EFEMP1: variants seen among roughly 807,000 people sequenced by gnomAD.
EFEMP1 encodes the protein EGF-like fibulin extracellular matrix protein 1, also known as EGF-containing fibulin-like extracellular matrix protein 1.
EFEMP1 carries 18 observed loss-of-function variants against 65.7 expected under a neutral mutation model. The ratio of observed to expected loss-of-function variants is 0.27; its 90% confidence interval spans 0.19 to 0.41. EFEMP1 has a LOEUF of 0.41. EFEMP1 is among the 10% of genes least tolerant of loss of function. The probability of loss-of-function intolerance (pLI) is 1.00; values close to 1 mark genes in which losing one functional copy is unlikely to be tolerated. For missense variants in EFEMP1, 469 were observed against 624.8 expected (o/e 0.75, Z 2.66); for synonymous variants, 237 against 219.7 (o/e 1.08, Z -0.70).
rs1334419124 is a variant in EFEMP1 at position 55,873,706 on chromosome 2, A to G, written c.1000+1240T>C. On this transcript the variant is annotated intron_variant, in intron 9 of 11. Transcript: ENST00000355426. The surrounding 1 kb of genome is among the most constrained non-coding windows in gnomAD (Gnocchi z 4.6). ...GGGTTATAAAGATGTTCATTGTGCAATGAACTACATTCTGATTATGCTCAT... is the reference window on the plus strand; with the variant it reads ...GGGTTATAAAGATGTTCATTGTGCAGTGAACTACATTCTGATTATGCTCAT... 6.6e-6 allele frequency among the ~76,000 whole-genome samples: 1 copy of G among 152,060 alleles called. No individual in the cohort carries two copies. The highest frequency in any genetic ancestry group is 1.5e-5 in the Non-Finnish European group (1 of 67,948).
At position 55,877,749 on chromosome 2, in the gene EFEMP1, C is replaced by T. The variant is rs142542256; in HGVS notation, c.757G>A (p.Val253Ile). The change falls in exon 7 of 12, where the codon GTA becomes ATA. Residue 253 changes from valine (V) to isoleucine (I), a missense_variant. Coordinates refer to ENST00000355426, the MANE Select transcript of EFEMP1 (RefSeq NM_001039348.3). This position sits in a 1 kb window ranked among gnomAD's most constrained non-coding sequence, Gnocchi z 4.5. ...AGCAAGTTCTCAAAAGGCTTACCTA[C>T]GCAGGTATAGTTGTTTGCTGCCAAT... ...FQLAANNYTC[V>I]DINECDASNQ... is the part of the protein sequence containing the mutation. 2.2e-5 allele frequency: 35 copies of T among 1,612,962 alleles called. No individual in the cohort carries two copies. Among genetic ancestry groups the T allele is most frequent in the South Asian group, 1.2e-4 (11 of 91,074 alleles).
At chr2:55,915,077 T>A (rs899456522) in intron 5 of EFEMP1, among the ~76,000 whole-genome samples, 6 of 152,222 alleles carry the variant, frequency 3.9e-5, no homozygotes, top group Non-Finnish European at 7.3e-5. Context: ...TGTTATCATA[T>A]GAAATAACCC....
At chr2:55,869,391 AT>A (rs1208963688) in intron 11 of EFEMP1, among the ~76,000 whole-genome samples, 6 of 152,198 alleles carry the variant, frequency 3.9e-5, no homozygotes, top group African/African-American at 1.4e-4. Context: ...TCTTACAAAT[AT>A]CAAGAATATG....
chr2:55,922,833 G>T lies in EFEMP1; in HGVS notation c.-8+66C>A. On this transcript the variant is annotated intron_variant, in intron 2 of 11. Transcript: ENST00000355426. The surrounding 1 kb of genome is among the most constrained non-coding windows in gnomAD (Gnocchi z 5.5). ...TTCCTGCCCCCCAGTCCCACACCCC[G>T]GGGGATGGAGGTGGGGCTGCAAAAC... 8.9e-7 allele frequency: 1 copy of T among 1,124,608 alleles called. No individual in the cohort carries two copies. The highest frequency in any genetic ancestry group is 1.1e-6 in the Non-Finnish European group (1 of 893,356). The allele number at this position is 1,124,608 out of a possible 1,614,324, so 69.7% of individuals were successfully genotyped here. A position where few individuals can be genotyped will look rare whatever the true frequency, so the allele number is the denominator to read the frequency against.
rs58841515 is a variant in EFEMP1, at chr2:55,873,066, CCACACACA to C, written c.1000+1872_1000+1879del. Among the ~76,000 whole-genome samples the C allele has an allele frequency of 3.1e-4, 45 of 145,402 alleles. No homozygotes were observed. The highest frequency in any genetic ancestry group is 1.4e-3 in the South Asian group (6 of 4,398). The stretch of plus-strand genomic sequence containing the variant: ...TTCTTTTGTCTCTCTGTCTCTCTCT[CCACACACA>C]CACACACACACACACACACACACAC... On this transcript the variant is annotated intron_variant, in intron 9 of 11. Transcript: ENST00000355426. This position sits in a 1 kb window ranked among gnomAD's most constrained non-coding sequence, Gnocchi z 4.6.
chr2:55,881,624 C>T lies in EFEMP1; in HGVS notation c.628G>A (p.Glu210Lys), dbSNP rs773196469. Residue 210 changes from glutamate to lysine, a missense_variant, in exon 6 of 12, where the codon GAG becomes AAG. This residue lies in a region of EFEMP1 where 399 missense variants were observed against 528.2 expected (regional missense o/e 0.76). Coordinates refer to ENST00000355426, the MANE Select transcript of EFEMP1 (RefSeq NM_001039348.3). ...QCPPGYQKRG[E>K]QCVDIDECTI... ...CTGTGGTACTTACCTACGCACTGCT[C>T]CCCTCGCTTCTGATATCCAGGAGGG... 3 of 1,613,620 alleles carry T rather than the reference C, an allele frequency of 1.9e-6. No homozygotes were observed. The highest frequency in any genetic ancestry group is 1.3e-5 in the African/African-American group (1 of 74,900).
chr2:55,881,873 T>A, intron 5 of EFEMP1, 139 bp from the exon 6 acceptor site: 1 of 1,156,056 alleles, frequency 8.7e-7, no homozygotes. Context: ...TGTTTAAAAT[T>A]ATAAATTATT....
At position 55,877,608 on chromosome 2, in the gene EFEMP1, T is replaced by G. The variant is rs1001033071; in HGVS notation, c.760+138A>C. 7 of 1,364,262 alleles carry G rather than the reference T, an allele frequency of 5.1e-6. No homozygotes were observed. Among genetic ancestry groups the G allele is most frequent in the Middle Eastern group, 1.8e-4 (1 of 5,520 alleles). 84.5% of individuals were successfully genotyped at this position (1,364,262 alleles called of 1,614,324 possible). Reference sequence around the variant, plus strand: ...GTTTTAAGACACAGATTGGTTATTATCTTTTAAGCTTTATGATTGCTGAAG... The same window carrying G: ...GTTTTAAGACACAGATTGGTTATTAGCTTTTAAGCTTTATGATTGCTGAAG... On this transcript the variant is annotated intron_variant, in intron 7 of 11. Transcript: ENST00000355426. The surrounding 1 kb of genome is among the most constrained non-coding windows in gnomAD (Gnocchi z 4.5).
At chr2:55,887,229 T>C (rs1669455038) in intron 5 of EFEMP1, among the ~76,000 whole-genome samples, 1 of 152,142 alleles carries the variant, frequency 6.6e-6, no homozygotes, top group Non-Finnish European at 1.5e-5. Context: ...AAACACCAGA[T>C]TTCCATTTTG....
In EFEMP1 at chr2:55,866,990, A is replaced by G; in HGVS notation, c.*83T>C. 6.5e-7 allele frequency: 1 copy of G among 1,531,220 alleles called. No individual in the cohort carries two copies. The highest frequency in any genetic ancestry group is 1.7e-5 in the Admixed American group (1 of 59,724). The allele number at this position is 1,531,220 out of a possible 1,614,324, so 94.9% of individuals were successfully genotyped here. ...CAGTATAGAGATGTAGATGCACTAG[A>G]TATATCTATAAATAAAATAGTGCTT... On this transcript the variant is annotated 3_prime_UTR_variant, in exon 12 of 12. Coordinates refer to ENST00000355426, the MANE Select transcript of EFEMP1 (RefSeq NM_001039348.3).
chr2:55,881,017 C>A (rs977139005), intron 6 of EFEMP1, among the ~76,000 whole-genome samples: 3 of 152,172 alleles, frequency 2.0e-5, no homozygotes, highest in Non-Finnish European at 2.9e-5. Context: ...GTATAAAGAG[C>A]CTTTAATACC....
chr2:55,894,419 G>A (rs1477109644), intron 5 of EFEMP1, among the ~76,000 whole-genome samples: 2 of 134,890 alleles, frequency 1.5e-5, no homozygotes, highest in Non-Finnish European at 3.2e-5. Context: ...CCAGGACAAG[G>A]ATTTCTGGTC....
intron 5 of EFEMP1, among the ~76,000 whole-genome samples, chr2:55,900,205 G>C (rs931222007): frequency 4.6e-5 from 7 of 152,170 alleles, no homozygotes; most frequent in African/African-American, 1.7e-4. Flanking sequence ...TATGTCAAGA[G>C]AATATATTAG....
rs1670929357 is a variant in EFEMP1, at chr2:55,922,271, C to A, written c.81+89G>T. ...ATTTATCACCCTCAGCAGAGTATAG[C>A]CCAAATACACTGGCAGGGGTGTGTA... is the stretch of plus-strand genomic sequence containing the variant. On this transcript the variant is annotated intron_variant, in intron 3 of 11. Transcript: ENST00000355426. This position sits in a 1 kb window ranked among gnomAD's most constrained non-coding sequence, Gnocchi z 5.5. The A allele has an allele frequency of 8.4e-7, 1 of 1,195,054 alleles. No homozygotes were observed. Among genetic ancestry groups the A allele is most frequent in the Non-Finnish European group, 1.2e-6 (1 of 802,118 alleles). The allele number at this position is 1,195,054 out of a possible 1,614,324, so 74.0% of individuals were successfully genotyped here.
At chr2:55,884,561 A>C (rs551967706) in intron 5 of EFEMP1, among the ~76,000 whole-genome samples, 199 of 152,326 alleles carry the variant, frequency 1.3e-3, no homozygotes, top group African/African-American at 4.7e-3. Flanking sequence ...GTGCAAACAC[A>C]GCCTTTTGTA....
chr2:55,891,062 C>G (rs1397690874), intron 5 of EFEMP1, among the ~76,000 whole-genome samples: 1 of 151,838 alleles, frequency 6.6e-6, no homozygotes, highest in Non-Finnish European at 1.5e-5. Context: ...AGGTGCTAAC[C>G]CTAGTACTCA....
At position 55,871,085 on chromosome 2, in the gene EFEMP1, C is replaced by G; in HGVS notation, c.1039G>C (p.Asp347His). ...ECETTNECREDEMCWNYHGGF... is the reference protein window; with the variant it reads ...ECETTNECREHEMCWNYHGGF... ...CCATGATAATTCCAACACATTTCAT[C>G]CTCCCGGCATTCATTTGTGGTCTCA... The change falls in exon 10 of 12, where the codon GAT becomes CAT. Residue 347 changes from aspartate to histidine, a missense_variant. Asp to His is a moderately conservative substitution (Grantham distance 81, BLOSUM62 -1). This residue lies in a region of EFEMP1 where 399 missense variants were observed against 528.2 expected (regional missense o/e 0.76). Coordinates refer to ENST00000355426, the MANE Select transcript of EFEMP1 (RefSeq NM_001039348.3). The surrounding 1 kb of genome is among the most constrained non-coding windows in gnomAD (Gnocchi z 4.2). 1 of 1,613,712 alleles carries G rather than the reference C, an allele frequency of 6.2e-7. No homozygotes were observed. Among genetic ancestry groups the G allele is most frequent in the African/African-American group, 1.3e-5 (1 of 75,022 alleles).
Position 55,867,702 on chromosome 2 carries a change from A to G in EFEMP1, c.1321-468T>C, listed in dbSNP as rs1668635351. Among the ~76,000 whole-genome samples, 1 of 152,158 alleles carries G rather than the reference A, an allele frequency of 6.6e-6. No individual in the cohort carries two copies. Among genetic ancestry groups the G allele is most frequent in the African/African-American group, 2.4e-5 (1 of 41,450 alleles). On this transcript the variant is annotated intron_variant, in intron 11 of 11. Coordinates refer to ENST00000355426, the MANE Select transcript of EFEMP1 (RefSeq NM_001039348.3). The surrounding 1 kb of genome is among the most constrained non-coding windows in gnomAD (Gnocchi z 4.3). ...AATGCTAAGATATATGAGGTTATGC[A>G]GGGTACGTATGAAGATACATAAAGG...
chr2:55,876,341 A>G (rs1669034588), intron 8 of EFEMP1, among the ~76,000 whole-genome samples: 1 of 152,144 alleles, frequency 6.6e-6, no homozygotes, highest in Non-Finnish European at 1.5e-5. Context: ...AGGTGCTGAC[A>G]TACCTGGTCA....
Sources: gnomAD v4.1 joint callset for allele counts (sites outside exome capture counted in the v4.1 genomes callset) on GRCh38, gnomAD v4.1.1 for gene constraint, gnomAD v4.1.1 regional missense constraint, Gnocchi (gnomAD v3.1) non-coding constraint, MANE v1.5 for transcripts, NCBI Gene and HGNC (gene_info 2026-07-23, HGNC 2026-07-21) for gene names.